HIPK3: variants seen among roughly 807,000 people sequenced by gnomAD.
The protein encoded by HIPK3 is homeodomain-interacting protein kinase 3.
In HIPK3, 47 loss-of-function variants were observed where a neutral mutation model predicts 124.2. The ratio of observed to expected loss-of-function variants is 0.38; its 90% CI spans 0.30 to 0.48. HIPK3 has a LOEUF of 0.48. Ranked by LOEUF, HIPK3 falls within the 20% of genes least tolerant of loss-of-function variation. The pLI, the probability that HIPK3 is intolerant of heterozygous loss-of-function variation, is 0.98. For missense variants in HIPK3, 1,286 were observed against 1,454.3 expected, an observed-to-expected ratio of 0.88 and a Z score of 1.88; for synonymous variants, 482 against 515.2, an observed-to-expected ratio of 0.94 and a Z score of 0.87.
intron 2 of HIPK3, among the ~76,000 whole-genome samples, chr11:33,292,774 T>C (rs1287843500): frequency 6.6e-6 from 1 of 152,180 alleles, no homozygotes; most frequent in Non-Finnish European, 1.5e-5. Context: ...CTCGCTCTGT[T>C]GCCCAGGCTG....
Position 33,257,588 on chromosome 11 carries a change from CT to C in HIPK3, c.-303del. 1 of 986,388 alleles carries C rather than the reference CT, an allele frequency of 1.0e-6. No individual in the cohort carries two copies. The highest frequency in any genetic ancestry group is 1.2e-6 in the Non-Finnish European group (1 of 830,462). The allele number at this position is 986,388 out of a possible 1,614,324, so 61.1% of individuals were successfully genotyped here. A position where few individuals can be genotyped will look rare whatever the true frequency, so the allele number is the denominator to read the frequency against. On this transcript the variant is annotated 5_prime_UTR_variant, in exon 1 of 17. Coordinates refer to ENST00000303296, the MANE Select transcript of HIPK3 (RefSeq NM_005734.5). ...GAGGCCGACCGGCCTCCCACTACCC[CT>C]CGCCCTAGCCAAGCCGTCCCCACCC...
chr11:33,353,150 A>G lies in HIPK3; in HGVS notation c.3230A>G (p.Gln1077Arg). Residue 1077 changes from glutamine (Q) to arginine (R), a missense_variant, in exon 17 of 17, where the codon CAG becomes CGG. Gln to Arg is a conservative substitution (Grantham distance 43). This residue lies in a region of HIPK3 where 810 missense variants were observed against 864.9 expected (regional missense o/e 0.94). Transcript: ENST00000303296. The stretch of plus-strand genomic sequence containing the variant: ...AATGGAAACTTTGGGCACAGAAGAC[A>G]GCAAGCTTATATTCCTACTAGTGTT... ...EWNGNFGHRR[Q>R]QAYIPTSVTS... The G allele has an allele frequency of 6.2e-7, 1 of 1,613,990 alleles. No homozygotes were observed. The highest frequency in any genetic ancestry group is 8.5e-7 in the Non-Finnish European group (1 of 1,179,976).
intron 2 of HIPK3, among the ~76,000 whole-genome samples, chr11:33,295,942 A>G (rs980231337): frequency 3.9e-5 from 6 of 152,144 alleles, no homozygotes; most frequent in African/African-American, 1.4e-4. Flanking sequence ...CACACGTACT[A>G]TTTCTTATCT....
upstream of HIPK3, chr11:33,257,331 G>T (rs1464378050): frequency 5.1e-6 from 5 of 984,070 alleles, no homozygotes; most frequent in African/African-American, 3.5e-5. Flanking sequence ...CTGCGGAGGC[G>T]GTGGCCGAGG....
intron 2 of HIPK3, among the ~76,000 whole-genome samples, chr11:33,289,337 C>G (rs1851637357): frequency 6.6e-6 from 1 of 151,900 alleles, no homozygotes; most frequent in African/African-American, 2.4e-5. Context: ...CTTAGCTATT[C>G]AAGAGGCTGA....
intron 1 of HIPK3, among the ~76,000 whole-genome samples, chr11:33,260,646 G>T: frequency 6.6e-6 from 1 of 152,164 alleles, no homozygotes; most frequent in East Asian, 1.9e-4. Flanking sequence ...TAATTCAAAG[G>T]CATAAAAATG....
chr11:33,265,084 A>G (rs1419801253), intron 1 of HIPK3, among the ~76,000 whole-genome samples: 1 of 152,234 alleles, frequency 6.6e-6, no homozygotes, highest in African/African-American at 2.4e-5. Flanking sequence ...ACTTAAATTA[A>G]TACTTCTGAA....
Position 33,341,570 on chromosome 11 carries a change from C to G in HIPK3, c.1781C>G (p.Thr594Ser). The G allele has an allele frequency of 6.2e-7, 1 of 1,609,896 alleles. No individual in the cohort carries two copies. Among genetic ancestry groups the G allele is most frequent in the Non-Finnish European group, 8.5e-7 (1 of 1,178,200 alleles). ...KIGTLRSQAL[T>S]TSAHSVVHHG... is the part of the protein sequence containing the mutation. ...ATGTGCTCGTTGTTTCAGGCATTGA[C>G]CACATCTGCTCATTCAGTTGTGCAC... The change falls in exon 8 of 17, where the codon ACC becomes AGC. Residue 594 changes from threonine to serine, a missense_variant. Thr to Ser is a moderately conservative substitution (Grantham distance 58). Coordinates refer to ENST00000303296, the MANE Select transcript of HIPK3 (RefSeq NM_005734.5).
chr11:33,347,959 A>G lies in HIPK3; in HGVS notation c.2252A>G (p.His751Arg), dbSNP rs1309353356. The change falls in exon 11 of 17, where the codon CAT (histidine) becomes CGT (arginine). Residue 751 changes from histidine to arginine, a missense_variant. By Grantham distance (29) the His-to-Arg change is conservative (BLOSUM62 0). This residue lies in a region of HIPK3 where 810 missense variants were observed against 864.9 expected (regional missense o/e 0.94). Coordinates refer to ENST00000303296, the MANE Select transcript of HIPK3 (RefSeq NM_005734.5). ...CAGCCAGTTAGTGTGGGGATTGCAC[A>G]TGTTGTCTGGCCTCAGCCTGCCACT... ...APQPVSVGIA[H>R]VVWPQPATTK... 1.2e-6 allele frequency: 2 copies of G among 1,614,186 alleles called. No homozygotes were observed. The highest frequency in any genetic ancestry group is 1.3e-5 in the African/African-American group (1 of 75,050).
At chr11:33,286,277 T>TA in intron 1 of HIPK3, 136 bp from the exon 2 acceptor site, 1 of 774,382 alleles carries the variant, frequency 1.3e-6, no homozygotes, top group Admixed American at 3.5e-5. Flanking sequence ...TCATGGAAAT[T>TA]AATTACTTTT....
intron 1 of HIPK3, among the ~76,000 whole-genome samples, chr11:33,277,520 A>G (rs1851304319): frequency 1.3e-5 from 2 of 152,216 alleles, no homozygotes; most frequent in African/African-American, 4.8e-5. Flanking sequence ...AATAATTGTG[A>G]TATGAGCCAC....
chr11:33,349,303 T>G lies in HIPK3; in HGVS notation c.2807+16T>G. ...GACCGAATAGGTAAAAGAATCTCAA[T>G]AGTAGTGTGTAATAAATAGTAAGTC... On this transcript the variant is annotated intron_variant, in intron 14 of 16. Coordinates refer to ENST00000303296, the MANE Select transcript of HIPK3 (RefSeq NM_005734.5). The G allele has an allele frequency of 6.3e-7, 1 of 1,596,666 alleles. No individual in the cohort carries two copies. The highest frequency in any genetic ancestry group is 8.5e-7 in the Non-Finnish European group (1 of 1,170,728).
chr11:33,290,316 C>T (rs1851665186), intron 2 of HIPK3, among the ~76,000 whole-genome samples: 1 of 151,916 alleles, frequency 6.6e-6, no homozygotes, highest in South Asian at 2.1e-4. Context: ...CTGTGCTCCG[C>T]AAAAGATTTT....
In HIPK3 at chr11:33,355,504, A is replaced by G. The variant is rs1853791580; in HGVS notation, c.*1936A>G. The G allele has an allele frequency of 6.6e-6, 1 of 152,038 alleles. No individual in the cohort carries two copies. Among genetic ancestry groups the G allele is most frequent in the African/African-American group, 2.4e-5 (1 of 41,462 alleles). 9.4% of individuals were successfully genotyped at this position (152,038 alleles called of 1,614,324 possible). ...AGCATTTACTGGAATAAACAGTACA[A>G]AGCATTGGAGTGTAAAACTCTAGAT... On this transcript the variant is annotated 3_prime_UTR_variant, in exon 17 of 17. Coordinates refer to ENST00000303296, the MANE Select transcript of HIPK3 (RefSeq NM_005734.5).
chr11:33,341,449 TG>T, intron 7 of HIPK3, 113 bp from the exon 8 acceptor site: 1 of 1,092,376 alleles, frequency 9.2e-7, no homozygotes, highest in Non-Finnish European at 1.3e-6. Context: ...TCTCATTTTC[TG>T]GACACATTTT....
intron 8 of HIPK3, among the ~76,000 whole-genome samples, chr11:33,343,006 A>G (rs1422772801): frequency 1.3e-5 from 2 of 152,164 alleles, no homozygotes; most frequent in Non-Finnish European, 2.9e-5. Flanking sequence ...CAAGAGGTCA[A>G]TTACAGATGG....
intron 8 of HIPK3, among the ~76,000 whole-genome samples, chr11:33,347,066 C>T (rs956396528): frequency 1.3e-5 from 2 of 151,768 alleles, no homozygotes; most frequent in Admixed American, 1.3e-4. Context: ...GCCTGTGGTC[C>T]CAGCTGCTCA....
chr11:33,277,704 G>A (rs1480383931), intron 1 of HIPK3, among the ~76,000 whole-genome samples: 3 of 152,212 alleles, frequency 2.0e-5, no homozygotes, highest in Admixed American at 6.5e-5. Context: ...ACACCTGGGA[G>A]AAGAATTGCT....
At chr11:33,346,453 T>G (rs1017050147) in intron 8 of HIPK3, among the ~76,000 whole-genome samples, 2 of 152,208 alleles carry the variant, frequency 1.3e-5, no homozygotes, top group Non-Finnish European at 2.9e-5. Context: ...CATCCCGGAA[T>G]TTTCATCCAT....
Sources: gnomAD v4.1 joint callset for allele counts (sites outside exome capture counted in the v4.1 genomes callset) on GRCh38, gnomAD v4.1.1 for gene constraint, gnomAD v4.1.1 regional missense constraint, MANE v1.5 for transcripts, NCBI Gene and HGNC (gene_info 2026-07-23, HGNC 2026-07-21) for gene names.